C11orf71: variants seen among roughly 807,000 people sequenced by gnomAD.
C11orf71 encodes uncharacterized protein C11orf71.
For synonymous variants in C11orf71, 72 were observed against 73.4 expected, an observed-to-expected ratio of 0.98 and a Z score of 0.09; for missense variants, 179 against 167.6, an observed-to-expected ratio of 1.07 and a Z score of -0.38.
chr11:114,391,735 A>G lies in C11orf71; in HGVS notation c.344-70T>C, dbSNP rs142655314. Reference sequence around the variant, plus strand: ...GGTAACCAAAAATGCATGTCCCAGCAAAAGGGATTCAAATTTATTTTATTT... The same window carrying G: ...GGTAACCAAAAATGCATGTCCCAGCGAAAGGGATTCAAATTTATTTTATTT... On this transcript the variant is annotated intron_variant, in intron 1 of 1. Coordinates refer to the C11orf71 transcript ENST00000325636. The G allele has an allele frequency of 2.5e-3, 1,501 of 606,354 alleles. 19 individuals are homozygous for G. In the African/African-American group the frequency reaches 0.025, roughly 10 times the overall value. 37.6% of individuals were successfully genotyped at this position (606,354 alleles called of 1,614,324 possible). A position where few individuals can be genotyped will look rare whatever the true frequency, so the allele number is the denominator to read the frequency against.
At chr11:114,394,261 TCTTTTCTTTTC>T (rs1946107330), downstream of C11orf71, among the ~76,000 whole-genome samples, 1 of 71,700 alleles carries the variant, frequency 1.4e-5, no homozygotes, top group African/African-American at 9.3e-5. Context: ...TCTTTTCTTT[TCTTTTCTTTTC>T]TTTTCTTTTC....
rs1358714255 is a variant in C11orf71, at chr11:114,399,530, CAT to C, written c.*428_*429del. 1 of 160,564 alleles carries C rather than the reference CAT, an allele frequency of 6.2e-6. No homozygotes were observed. The highest frequency in any genetic ancestry group is 2.4e-5 in the African/African-American group (1 of 41,534). The allele number at this position is 160,564 out of a possible 1,614,324, so 9.9% of individuals were successfully genotyped here. A position where few individuals can be genotyped will look rare whatever the true frequency, so the allele number is the denominator to read the frequency against. ...ACTGAGATTGGAGTCTGTTTGTAGACATATCTGAAAAAAGTGAAGGGGGAGAT... is the reference window on the plus strand; with the variant it reads ...ACTGAGATTGGAGTCTGTTTGTAGACATCTGAAAAAAGTGAAGGGGGAGAT... On this transcript the variant is annotated 3_prime_UTR_variant, in exon 1 of 1. Transcript: ENST00000623205.
chr11:114,392,936 A>G (rs917975807), intron 1 of C11orf71, among the ~76,000 whole-genome samples: 1 of 152,198 alleles, frequency 6.6e-6, no homozygotes, highest in Non-Finnish European at 1.5e-5. Context: ...ATTCTCTGCA[A>G]ACTAAGGCCT....
chr11:114,395,232 C>T (rs1433304804), downstream of C11orf71, among the ~76,000 whole-genome samples: 1 of 152,196 alleles, frequency 6.6e-6, no homozygotes, highest in Non-Finnish European at 1.5e-5. Context: ...GAGGTGCCCT[C>T]TGCCTTCCCA....
intron 1 of C11orf71, among the ~76,000 whole-genome samples, chr11:114,393,219 C>T (rs919808089): frequency 3.9e-5 from 6 of 152,270 alleles, no homozygotes; most frequent in Middle Eastern, 3.4e-3. Context: ...CTGCTTTATG[C>T]CTTCCTATCT....
At chr11:114,393,694 C>T (rs1025206082), downstream of C11orf71, among the ~76,000 whole-genome samples, 2 of 152,064 alleles carry the variant, frequency 1.3e-5, no homozygotes, top group African/African-American at 4.8e-5. Context: ...AATGGTATCC[C>T]TCCAAAAAAA....
downstream of C11orf71, among the ~76,000 whole-genome samples, chr11:114,397,029 A>G (rs955776643): frequency 6.6e-6 from 1 of 152,190 alleles, no homozygotes; most frequent in African/African-American, 2.4e-5. Context: ...CTTCTTTTTC[A>G]GAGTTCTTAA....
downstream of C11orf71, among the ~76,000 whole-genome samples, chr11:114,398,137 C>G (rs1946142071): frequency 6.6e-6 from 1 of 152,126 alleles, no homozygotes; most frequent in Non-Finnish European, 1.5e-5. Flanking sequence ...TTAAGAAAGG[C>G]TTCTTTATCT....
At chr11:114,394,228 C>CCTTTCTTTTCTTTTCTTTTCTTTTCT (rs1946101542), downstream of C11orf71, among the ~76,000 whole-genome samples, 8 of 48,706 alleles carry the variant, frequency 1.6e-4, 1 homozygote, top group Non-Finnish European at 2.5e-4. Flanking sequence ...CTTTTCTTTT[C>CCTTTCTTTTCTTTTCTTTTCTTTTCT]TTTCTTTTCT....
downstream of C11orf71, among the ~76,000 whole-genome samples, chr11:114,394,287 CTCTTATTTTCTTTTCTTTTCTTTTT>C (rs1946111807): frequency 1.4e-5 from 1 of 71,356 alleles, no homozygotes; most frequent in African/African-American, 7.1e-5. Flanking sequence ...CTTTTCTTTT[CTCTTATTTTCTTTTCTTTTCTTTTT>C]GAGACGGAGT....
At chr11:114,393,107 A>C (rs1278945482) in intron 1 of C11orf71, among the ~76,000 whole-genome samples, 1 of 152,188 alleles carries the variant, frequency 6.6e-6, no homozygotes, top group African/African-American at 2.4e-5. Context: ...TGTTTCTCAA[A>C]CCTAAAATTA....
At position 114,399,795 on chromosome 11, in the gene C11orf71, A is replaced by G. The variant is rs1004429180; in HGVS notation, c.*165T>C. On this transcript the variant is annotated 3_prime_UTR_variant, in exon 1 of 1. Transcript: ENST00000623205. ...TGCATAAAACCACCTAAATCAATCA[A>G]CTGTTACACTTCCCTTAGTGCTAGG... The G allele has an allele frequency of 2.8e-5, 29 of 1,034,516 alleles. No homozygotes were observed. Among genetic ancestry groups the G allele is most frequent in the Admixed American group, 1.3e-4 (4 of 31,694 alleles). 64.1% of individuals were successfully genotyped at this position (1,034,516 alleles called of 1,614,324 possible).
downstream of C11orf71, among the ~76,000 whole-genome samples, chr11:114,394,248 T>TTTTC (rs1491464075): frequency 0.018 from 1,131 of 61,774 alleles, 55 homozygotes; most frequent in East Asian, 0.076. Context: ...TTTTCTTTTC[T>TTTTC]TTTCTTTTCT....
rs770233378 is a variant in C11orf71 at position 114,392,548 on chromosome 11, AAAG to A, written c.344-886_344-884del. ...ATGAGACAAAAAAAAAAAAAAAAAA[AAAG>A]AAGAAGAAGAAGAAGAAAAAAGAAA... On this transcript the variant is annotated intron_variant, in intron 1 of 1. Transcript: ENST00000325636. Among the ~76,000 whole-genome samples, 376 of 124,844 alleles carry A rather than the reference AAAG, an allele frequency of 3.0e-3. 2 individuals carry two copies. The highest frequency in any genetic ancestry group is 4.5e-3 in the Non-Finnish European group (265 of 58,372). The allele number at this position is 124,844 out of a possible 152,430, so 81.9% of individuals were successfully genotyped here.
In C11orf71 at chr11:114,399,832, T is replaced by C. The variant is rs1946166236; in HGVS notation, c.*128A>G. 1.5e-6 allele frequency: 2 copies of C among 1,303,020 alleles called. No individual in the cohort carries two copies. Among genetic ancestry groups the C allele is most frequent in the African/African-American group, 3.0e-5 (2 of 67,216 alleles). The allele number at this position is 1,303,020 out of a possible 1,614,324, so 80.7% of individuals were successfully genotyped here. A position where few individuals can be genotyped will look rare whatever the true frequency, so the allele number is the denominator to read the frequency against. On this transcript the variant is annotated 3_prime_UTR_variant, in exon 1 of 1. Coordinates refer to ENST00000623205, the MANE Select transcript of C11orf71 (RefSeq NM_001271562.2). ...CCCTTAGTGCTAGGACATATTCATA[T>C]AACTCCCACGTATTAAATGAAAATA... is the stretch of plus-strand genomic sequence containing the variant.
rs569308677 is a variant in C11orf71 at position 114,399,750 on chromosome 11, C to G, written c.*210G>C. 1 of 753,228 alleles carries G rather than the reference C, an allele frequency of 1.3e-6. No homozygotes were observed. The highest frequency in any genetic ancestry group is 2.0e-6 in the Non-Finnish European group (1 of 491,426). 46.7% of individuals were successfully genotyped at this position (753,228 alleles called of 1,614,324 possible). A position where few individuals can be genotyped will look rare whatever the true frequency, so the allele number is the denominator to read the frequency against. On this transcript the variant is annotated 3_prime_UTR_variant, in exon 1 of 1. Transcript: ENST00000623205. ...CTAAGAATATCCCTTCCACACCTTT[C>G]CTGATCCAATCGTTCTGGCTGCATA... is the stretch of plus-strand genomic sequence containing the variant.
chr11:114,394,243 T>TTTCTTTTCTTTTCTTTTC (rs1491257335), downstream of C11orf71, among the ~76,000 whole-genome samples: 45 of 52,306 alleles, frequency 8.6e-4, 4 homozygotes, highest in African/African-American at 6.7e-3. Flanking sequence ...TTTTCTTTTC[T>TTTCTTTTCTTTTCTTTTC]TTTCTTTTCT....
At chr11:114,398,057 T>C (rs1457966963), downstream of C11orf71, among the ~76,000 whole-genome samples, 1 of 152,248 alleles carries the variant, frequency 6.6e-6, no homozygotes, top group Admixed American at 6.5e-5. Context: ...ATTCAGCCTC[T>C]CTGAACTTTC....
rs773253208 is a variant in C11orf71, at chr11:114,400,309, A to G, written c.23T>C (p.Leu8Pro). Residue 8 changes from leucine (L) to proline (P), a missense_variant, in exon 1 of 1, where the codon CTG becomes CCG. By Grantham distance (98) the Leu-to-Pro change is moderately conservative (BLOSUM62 -3). Transcript: ENST00000623205. ...CCTGCTCCTCTGATCACCGGAGGAC[A>G]GGGACACATTGTTCAGGGCCATATT... MALNNVSLSSGDQRSRVA... is the reference protein window; with the variant it reads MALNNVSPSSGDQRSRVA... The G allele has an allele frequency of 6.2e-7, 1 of 1,609,162 alleles. No individual in the cohort carries two copies. The highest frequency in any genetic ancestry group is 1.1e-5 in the South Asian group (1 of 90,382).
Sources: gnomAD v4.1 joint callset for allele counts (sites outside exome capture counted in the v4.1 genomes callset) on GRCh38, gnomAD v4.1.1 for gene constraint, MANE v1.5 for transcripts, NCBI Gene and HGNC (gene_info 2026-07-23, HGNC 2026-07-21) for gene names.